ABCB9: variants seen among roughly 807,000 people sequenced by gnomAD.
ABCB9 encodes ATP binding cassette subfamily B member 9.
Under a neutral mutation model 62.0 loss-of-function variants are expected in ABCB9, and 36 were observed. The observed-to-expected ratio is 0.58, with a 90% CI of 0.45 to 0.77. The LOEUF is 0.77. ABCB9 is among the 30% of genes least tolerant of loss of function. ABCB9 has a pLI of 0.00. For synonymous variants in ABCB9, 435 were observed against 461.4 expected, an observed-to-expected ratio of 0.94 and a Z score of 0.73; for missense variants, 943 against 1,054.7, an observed-to-expected ratio of 0.89 and a Z score of 1.47.
At chr12:122,937,283 C>A (rs1485827906) in intron 9 of ABCB9, among the ~76,000 whole-genome samples, 1 of 151,524 alleles carries the variant, frequency 6.6e-6, no homozygotes, top group Non-Finnish European at 1.5e-5. Context: ...CGCTTGAACC[C>A]AGGAGGAAGA....
At chr12:122,925,575 C>T (rs949590891), downstream of ABCB9, among the ~76,000 whole-genome samples, 2 of 152,026 alleles carry the variant, frequency 1.3e-5, no homozygotes, top group Non-Finnish European at 2.9e-5. Context: ...GGTGAAACCC[C>T]GTCTCTACTA....
Position 122,959,445 on chromosome 12 carries a change from A to C in ABCB9, c.601+190T>G, listed in dbSNP as rs1239134886. Among the ~76,000 whole-genome samples the C allele has an allele frequency of 6.6e-6, 1 of 152,182 alleles. No homozygotes were observed. Among genetic ancestry groups the C allele is most frequent in the East Asian group, 1.9e-4 (1 of 5,176 alleles). On this transcript the variant is annotated intron_variant, in intron 2 of 11. Coordinates refer to ENST00000280560, the MANE Select transcript of ABCB9 (RefSeq NM_019625.4). This position sits in a 1 kb window ranked among gnomAD's most constrained non-coding sequence, Gnocchi z 5.4. The stretch of plus-strand genomic sequence containing the variant: ...AGGCTGGTTTTCAACTCCTGGGCTC[A>C]AGTGATCTTCCTACCTCAGCCTCCC...
At chr12:122,949,717 C>A in intron 4 of ABCB9, 71 bp downstream of exon 4, 2 of 1,589,366 alleles carry the variant, frequency 1.3e-6, no homozygotes, top group African/African-American at 1.3e-5. Context: ...CCATTTCATT[C>A]CTCAGTGCCA....
chr12:122,932,232 T>A lies in ABCB9; in HGVS notation c.2000A>T (p.Asp667Val). ...LVRNPPVLIL[D>V]EATSALDAES... ...GGCATCCAAAGCGCTGGTGGCTTCATCCAGGATGAGGACTGGGGGGTTCCG... is the reference window on the plus strand; with the variant it reads ...GGCATCCAAAGCGCTGGTGGCTTCAACCAGGATGAGGACTGGGGGGTTCCG... The change falls in exon 11 of 12, where the codon GAT (aspartate) becomes GTT (valine). Residue 667 changes from aspartate (D) to valine (V), a missense_variant. Coordinates refer to ENST00000280560, the MANE Select transcript of ABCB9 (RefSeq NM_019625.4). This position sits in a 1 kb window ranked among gnomAD's most constrained non-coding sequence, Gnocchi z 4.7. 6.4e-7 allele frequency: 1 copy of A among 1,552,462 alleles called. No homozygotes were observed.
chr12:122,924,892 C>A, downstream of ABCB9: 1 of 1,380,892 alleles, frequency 7.2e-7, no homozygotes, highest in South Asian at 1.2e-5. Context: ...TCATAACTCT[C>A]CACACCCACC....
chr12:122,919,914 T>TTTATTTATTTAC, downstream of ABCB9, among the ~76,000 whole-genome samples: 1 of 145,160 alleles, frequency 6.9e-6, no homozygotes, highest in East Asian at 1.9e-4. Flanking sequence ...TATTTATTTA[T>TTTATTTATTTAC]TTATTTATTT....
chr12:122,973,609 A>AAAAAC (rs762311490), intron 1 of ABCB9, among the ~76,000 whole-genome samples: 6 of 88,800 alleles, frequency 6.8e-5, no homozygotes, highest in Admixed American at 1.3e-4. Context: ...AAAAAAAAAA[A>AAAAAC]CAAAAACTTT....
At chr12:122,951,273 G>A (rs2036355535) in intron 2 of ABCB9, among the ~76,000 whole-genome samples, 1 of 149,156 alleles carries the variant, frequency 6.7e-6, no homozygotes, top group Non-Finnish European at 1.5e-5. Context: ...TTTGAGACAG[G>A]GTTTCACTCC....
rs2036781000 is a variant in ABCB9, at chr12:122,959,597, T to C, written c.601+38A>G. Reference sequence around the variant, plus strand: ...AGGCAGTCATATCCACCTAATTTGATGTTCTGGTGGCCACATGTCCCCGAG... The same window carrying C: ...AGGCAGTCATATCCACCTAATTTGACGTTCTGGTGGCCACATGTCCCCGAG... On this transcript the variant is annotated intron_variant, in intron 2 of 11. Coordinates refer to ENST00000280560, the MANE Select transcript of ABCB9 (RefSeq NM_019625.4). This position sits in a 1 kb window ranked among gnomAD's most constrained non-coding sequence, Gnocchi z 5.4. 6.6e-7 allele frequency: 1 copy of C among 1,513,878 alleles called. No homozygotes were observed. The highest frequency in any genetic ancestry group is 1.4e-5 in the African/African-American group (1 of 71,650). The allele number at this position is 1,513,878 out of a possible 1,614,324, so 93.8% of individuals were successfully genotyped here. A position where few individuals can be genotyped will look rare whatever the true frequency, so the allele number is the denominator to read the frequency against.
upstream of ABCB9, among the ~76,000 whole-genome samples, chr12:122,970,952 C>T (rs1211612487): frequency 6.6e-6 from 1 of 152,156 alleles, no homozygotes; most frequent in East Asian, 1.9e-4. Context: ...ATATGACATT[C>T]TGGAAAAGGC....
intron 9 of ABCB9, among the ~76,000 whole-genome samples, chr12:122,939,196 C>T (rs951005445): frequency 2.0e-5 from 3 of 152,132 alleles, no homozygotes; most frequent in African/African-American, 7.2e-5. Flanking sequence ...AGGGAAACAA[C>T]CCAAATACCC....
At chr12:122,949,571 G>A (rs2036242144) in intron 4 of ABCB9, among the ~76,000 whole-genome samples, 2 of 152,182 alleles carry the variant, frequency 1.3e-5, no homozygotes, top group Non-Finnish European at 2.9e-5. Context: ...GCCTGGCCTG[G>A]GCCCCACAGA....
Position 122,932,473 on chromosome 12 carries a change from C to T in ABCB9, c.1904-145G>A. On this transcript the variant is annotated intron_variant, in intron 10 of 11. Coordinates refer to ENST00000280560, the MANE Select transcript of ABCB9 (RefSeq NM_019625.4). The surrounding 1 kb of genome is among the most constrained non-coding windows in gnomAD (Gnocchi z 4.7). ...GCTCATGAAATGATGTTCCCCCCAC[C>T]CAACTCATAAGGGGCATGCAGATTA... 8.9e-7 allele frequency: 1 copy of T among 1,128,314 alleles called. No individual in the cohort carries two copies. The highest frequency in any genetic ancestry group is 1.2e-6 in the Non-Finnish European group (1 of 818,822). The allele number at this position is 1,128,314 out of a possible 1,614,324, so 69.9% of individuals were successfully genotyped here.
intron 4 of ABCB9, 58 bp downstream of exon 4, chr12:122,949,730 C>T: frequency 6.2e-7 from 1 of 1,604,594 alleles, no homozygotes; most frequent in Non-Finnish European, 8.5e-7. Context: ...CAGTGCCAGG[C>T]AAGCCCACAG....
intron 1 of ABCB9, among the ~76,000 whole-genome samples, chr12:122,962,789 C>G (rs1034251557): frequency 1.3e-5 from 2 of 152,188 alleles, no homozygotes; most frequent in Non-Finnish European, 2.9e-5. Flanking sequence ...ATCCAGGTGG[C>G]CCCACCTATT....
chr12:122,967,484 C>T (rs1184888449), upstream of ABCB9, among the ~76,000 whole-genome samples: 1 of 152,150 alleles, frequency 6.6e-6, no homozygotes, highest in Non-Finnish European at 1.5e-5. Context: ...GCCCACATCC[C>T]TGGATCCTCT....
intron 10 of ABCB9, among the ~76,000 whole-genome samples, chr12:122,934,996 G>A (rs2035384040): frequency 6.6e-6 from 1 of 151,948 alleles, no homozygotes; most frequent in Non-Finnish European, 1.5e-5. Context: ...TTTCCCAGCA[G>A]CATAATATTC....
intron 9 of ABCB9, among the ~76,000 whole-genome samples, chr12:122,937,627 G>C (rs548468569): frequency 6.6e-6 from 1 of 152,186 alleles, no homozygotes; most frequent in East Asian, 1.9e-4. Flanking sequence ...ACTTTGGTGA[G>C]CAGCAGCCTG....
upstream of ABCB9, among the ~76,000 whole-genome samples, chr12:122,967,208 G>A (rs567438627): frequency 2.0e-5 from 3 of 152,328 alleles, no homozygotes; most frequent in South Asian, 6.2e-4. Flanking sequence ...GCGTGAAGGG[G>A]ACAGAACATC....
Sources: allele counts gnomAD v4.1 joint callset (sites outside exome capture counted in the v4.1 genomes callset), GRCh38; gene constraint gnomAD v4.1.1; non-coding constraint Gnocchi (gnomAD v3.1); transcripts MANE v1.5; gene names NCBI Gene and HGNC (gene_info 2026-07-23, HGNC 2026-07-21).